Variants in HMGCL observed in about 807,000 individuals in gnomAD.
HMGCL encodes 3-hydroxy-3-methylglutaryl-CoA lyase.
HMGCL carries 26 observed loss-of-function variants against 37.3 expected under a neutral mutation model. The observed-to-expected ratio is 0.70, with a 90% CI of 0.51 to 0.97. The LOEUF (loss-of-function observed/expected upper bound fraction) is 0.97, where lower values mean the gene tolerates loss of function less well. HMGCL is among the 50% of genes least tolerant of loss of function. The probability of loss-of-function intolerance (pLI) is 0.00; values close to 1 mark genes in which losing one functional copy is unlikely to be tolerated. For synonymous variants in HMGCL, 151 were observed against 148.0 expected, an observed-to-expected ratio of 1.02 and a Z score of -0.15; for missense variants, 379 against 398.1, an observed-to-expected ratio of 0.95 and a Z score of 0.41.
At chr1:23,822,545 C>G (rs1163171967) in intron 1 of HMGCL, among the ~76,000 whole-genome samples, 1 of 152,162 alleles carries the variant, frequency 6.6e-6, no homozygotes, top group Non-Finnish European at 1.5e-5. Flanking sequence ...GGATCTCAAC[C>G]CCCTGAAGTC....
intron 1 of HMGCL, among the ~76,000 whole-genome samples, chr1:23,824,594 A>C (rs1364066448): frequency 6.6e-6 from 1 of 152,182 alleles, no homozygotes; most frequent in Non-Finnish European, 1.5e-5. Context: ...AAATACCACC[A>C]CCGACTGATC....
chr1:23,806,636 A>G lies in HMGCL; in HGVS notation c.750+1499T>C, dbSNP rs1638416187. 3.6e-6 allele frequency: 1 copy of G among 280,040 alleles called. No individual in the cohort carries two copies. Among genetic ancestry groups the G allele is most frequent in the Non-Finnish European group, 7.0e-6 (1 of 142,124 alleles). The allele number at this position is 280,040 out of a possible 1,614,324, so 17.3% of individuals were successfully genotyped here. A position where few individuals can be genotyped will look rare whatever the true frequency, so the allele number is the denominator to read the frequency against. On this transcript the variant is annotated intron_variant, in intron 7 of 8. Coordinates refer to ENST00000374490, the MANE Select transcript of HMGCL (RefSeq NM_000191.3). The surrounding 1 kb of genome is among the most constrained non-coding windows in gnomAD (Gnocchi z 4.0). The stretch of plus-strand genomic sequence containing the variant: ...GCCTGGCACTGCCTTAACCTGCTTC[A>G]TTTTTTCTCCACAGTGTTTATGAAC...
intron 1 of HMGCL, 72 bp downstream of exon 1, chr1:23,825,284 A>T: frequency 1.5e-6 from 2 of 1,320,774 alleles, no homozygotes; most frequent in Non-Finnish European, 2.1e-6. Context: ...AGCAGTCACC[A>T]CGGGCCAAGC....
chr1:23,808,101 A>C, intron 7 of HMGCL, 34 bp downstream of exon 7: 1 of 1,582,992 alleles, frequency 6.3e-7, no homozygotes, highest in Non-Finnish European at 8.7e-7. Context: ...GCCCACCGTG[A>C]CCTTTGGGAG....
chr1:23,810,148 G>A, intron 6 of HMGCL: 1 of 163,662 alleles, frequency 6.1e-6, no homozygotes, highest in Non-Finnish European at 1.4e-5. Flanking sequence ...CTATCTGGAT[G>A]CCACAAAGTA....
chr1:23,802,777 C>A (rs1287193840), intron 8 of HMGCL, among the ~76,000 whole-genome samples: 1 of 152,244 alleles, frequency 6.6e-6, no homozygotes, highest in East Asian at 1.9e-4. Context: ...GATGCCCAAT[C>A]TCTGTCATGG....
chr1:23,814,220 G>A lies in HMGCL; in HGVS notation c.467C>T (p.Ala156Val). The change falls in exon 5 of 9, where the codon GCA becomes GTA. Residue 156 changes from alanine (A) to valine (V), a missense_variant. Transcript: ENST00000374490. ...SFQRFDAILK[A>V]AQSANISVRG... ...CACAGAAATATTGGCTGACTGCGCT[G>A]CCTTCAGGATTGCGTCAAACCTCTG... 6.2e-7 allele frequency: 1 copy of A among 1,614,028 alleles called. No individual in the cohort carries two copies. Among genetic ancestry groups the A allele is most frequent in the Non-Finnish European group, 8.5e-7 (1 of 1,180,028 alleles).
At chr1:23,817,658 C>A in intron 2 of HMGCL, 75 bp from the exon 3 acceptor site, 1 of 872,304 alleles carries the variant, frequency 1.1e-6, no homozygotes, top group South Asian at 1.3e-5. Context: ...CCTGTTAGTT[C>A]AAGTACTATA....
intron 5 of HMGCL, among the ~76,000 whole-genome samples, chr1:23,811,482 T>A (rs1254620195): frequency 6.6e-6 from 1 of 152,030 alleles, no homozygotes; most frequent in Non-Finnish European, 1.5e-5. Context: ...AGAGGAAAGA[T>A]GGGAAATGAT....
At chr1:23,808,345 T>C in intron 6 of HMGCL, 22 bp from the exon 7 acceptor site, 1 of 1,608,694 alleles carries the variant, frequency 6.2e-7, no homozygotes, top group Non-Finnish European at 8.5e-7. Flanking sequence ...AGCAGGCACT[T>C]GGAGGATACA....
At chr1:23,813,227 GTTTTTTTTTTTT>G (rs58260499) in intron 5 of HMGCL, among the ~76,000 whole-genome samples, 3 of 70,800 alleles carry the variant, frequency 4.2e-5, no homozygotes, top group African/African-American at 1.6e-4. Context: ...TGGCTGCAAT[GTTTTTTTTTTTT>G]TTTTTTTTTT....
intron 3 of HMGCL, 119 bp downstream of exon 3, chr1:23,817,357 T>C (rs983057182): frequency 1.6e-5 from 11 of 689,464 alleles, no homozygotes; most frequent in Non-Finnish European, 2.6e-5. Flanking sequence ...ATGAATCACC[T>C]GAGACCTCTC....
intron 1 of HMGCL, among the ~76,000 whole-genome samples, chr1:23,821,848 G>T (rs890326070): frequency 1.3e-5 from 2 of 151,814 alleles, no homozygotes; most frequent in African/African-American, 2.4e-5. Flanking sequence ...TCCTCATCTG[G>T]CTTTTTTTAA....
chr1:23,804,166 A>G, intron 8 of HMGCL: 1 of 609,894 alleles, frequency 1.6e-6, no homozygotes, highest in African/African-American at 1.8e-5. Context: ...GCTGGAGTAC[A>G]CTGGCAGGAT....
chr1:23,809,202 G>A (rs1433160050), intron 6 of HMGCL: 2 of 138,628 alleles, frequency 1.4e-5, no homozygotes, highest in African/African-American at 2.7e-5. Flanking sequence ...CACCATACCC[G>A]GCCAATCAAT....
intron 5 of HMGCL, among the ~76,000 whole-genome samples, chr1:23,811,161 C>T (rs1638513766): frequency 6.6e-6 from 1 of 152,096 alleles, no homozygotes. Flanking sequence ...GGCCAGTACT[C>T]CAAAAGGAGA....
intron 7 of HMGCL, among the ~76,000 whole-genome samples, chr1:23,805,502 A>G (rs1470529466): frequency 1.3e-5 from 2 of 152,222 alleles, no homozygotes; most frequent in African/African-American, 2.4e-5. Context: ...AGTCAAGGCC[A>G]CTGGTGGCCT....
At chr1:23,820,851 T>C (rs574667048) in intron 1 of HMGCL, among the ~76,000 whole-genome samples, 7 of 152,328 alleles carry the variant, frequency 4.6e-5, no homozygotes, top group Admixed American at 4.6e-4. Context: ...ACTGCCTACC[T>C]GACAGCTCTA....
intron 5 of HMGCL, among the ~76,000 whole-genome samples, chr1:23,813,447 T>C (rs1022564421): frequency 6.6e-6 from 1 of 151,690 alleles, no homozygotes; most frequent in Non-Finnish European, 1.5e-5. Context: ...TTTGTATTTT[T>C]AGTAGAGATG....
Sources: gnomAD v4.1 joint callset for allele counts (sites outside exome capture counted in the v4.1 genomes callset) on GRCh38, gnomAD v4.1.1 for gene constraint, Gnocchi (gnomAD v3.1) non-coding constraint, MANE v1.5 for transcripts, NCBI Gene and HGNC (gene_info 2026-07-23, HGNC 2026-07-21) for gene names.